Variants in LINGO2 observed in about 807,000 individuals in gnomAD.
The protein encoded by LINGO2 is leucine-rich repeat and immunoglobulin-like domain-containing nogo receptor-interacting protein 2.
A neutral mutation model predicts 30.6 loss-of-function variants in LINGO2; 14 were observed. The ratio of observed to expected loss-of-function variants is 0.46; its 90% CI spans 0.30 to 0.72. The LOEUF (loss-of-function observed/expected upper bound fraction) is 0.72. LINGO2 is among the 30% of genes least tolerant of loss of function. The pLI, the probability that LINGO2 is intolerant of heterozygous loss-of-function variation, is 0.07. For synonymous variants in LINGO2, 317 were observed against 288.5 expected, an observed-to-expected ratio of 1.10 and a Z score of -1.00; for missense variants, 729 against 751.7, an observed-to-expected ratio of 0.97 and a Z score of 0.35.
At position 28,568,812 on chromosome 9, in the gene LINGO2, T is replaced by A. The variant is rs1823526168; in HGVS notation, c.-364-92787A>T. Among the ~76,000 whole-genome samples, 3 of 151,832 alleles carry A rather than the reference T, an allele frequency of 2.0e-5. No homozygotes were observed. In the South Asian group the frequency reaches 6.2e-4, roughly 31 times the overall value. On this transcript the variant is annotated intron_variant, in intron 1 of 5. Transcript: ENST00000379992. Reference sequence around the variant, plus strand: ...GATAAACTAAATTTGAACGAGTTCATCAAAACTAGATCTGCCTTGGAAAAA... The same window carrying A: ...GATAAACTAAATTTGAACGAGTTCAACAAAACTAGATCTGCCTTGGAAAAA...
the LINGO2 span, among the ~76,000 whole-genome samples, chr9:28,887,201 G>C: frequency 6.6e-6 from 1 of 152,102 alleles, no homozygotes; most frequent in African/African-American, 2.4e-5. Flanking sequence ...ATGCTCAATA[G>C]AGATGTCTGC....
chr9:28,479,852 T>C (rs867411316), intron 1 of LINGO2, among the ~76,000 whole-genome samples: 1,414 of 55,722 alleles, frequency 0.025, 46 homozygotes, highest in East Asian at 0.17. Context: ...CATCTGTGTG[T>C]GTGTGTGTGT....
chr9:28,020,555 ACAAAACAAAAC>A (rs1823064550), intron 4 of LINGO2, among the ~76,000 whole-genome samples: 1 of 143,096 alleles, frequency 7.0e-6, no homozygotes, highest in Non-Finnish European at 1.5e-5. Flanking sequence ...ACAAAACAAA[ACAAAACAAAAC>A]AAAACAAACA....
the LINGO2 span, among the ~76,000 whole-genome samples, chr9:28,864,231 T>G: frequency 6.6e-6 from 1 of 152,080 alleles, no homozygotes; most frequent in African/African-American, 2.4e-5. Context: ...CCCCTGAACT[T>G]AAAATAAAAG....
At chr9:29,066,898 T>C in the LINGO2 span, among the ~76,000 whole-genome samples, 1 of 151,854 alleles carries the variant, frequency 6.6e-6, no homozygotes. Flanking sequence ...ATTACACCTC[T>C]TACCTTCTAA....
the LINGO2 span, chr9:27,939,144 T>C: frequency 1.3e-5 from 2 of 149,668 alleles, no homozygotes; most frequent in South Asian, 4.2e-4. Context: ...TCCTCTGCAA[T>C]TAAATTCTCT....
At chr9:28,318,173 C>A (rs1171337498) in intron 3 of LINGO2, among the ~76,000 whole-genome samples, 4 of 152,178 alleles carry the variant, frequency 2.6e-5, no homozygotes, top group South Asian at 2.1e-4. Context: ...ACTCAAAGCA[C>A]TTCTGTCCTT....
chr9:28,647,222 T>C (rs1385644445), intron 1 of LINGO2, among the ~76,000 whole-genome samples: 1 of 152,102 alleles, frequency 6.6e-6, no homozygotes, highest in Non-Finnish European at 1.5e-5. Context: ...TGCCCTGAAA[T>C]TGATCAAACT....
the LINGO2 span, among the ~76,000 whole-genome samples, chr9:29,141,753 T>C: frequency 1.3e-5 from 2 of 151,860 alleles, no homozygotes; most frequent in African/African-American, 4.8e-5. Flanking sequence ...GGCGTGACCT[T>C]GCTTATATCA....
the LINGO2 span, chr9:28,888,943 T>G: frequency 9.4e-6 from 5 of 532,482 alleles, no homozygotes; most frequent in South Asian, 7.0e-5. Context: ...CACAAGTTCC[T>G]GCAAATGCAC....
At chr9:28,153,773 C>T (rs1230768171) in intron 4 of LINGO2, among the ~76,000 whole-genome samples, 1 of 151,978 alleles carries the variant, frequency 6.6e-6, no homozygotes, top group African/African-American at 2.4e-5. Flanking sequence ...TTGGTGTTAC[C>T]TAAACTTACA....
the LINGO2 span, among the ~76,000 whole-genome samples, chr9:29,142,460 C>G: frequency 6.6e-6 from 1 of 151,330 alleles, no homozygotes; most frequent in African/African-American, 2.4e-5. Context: ...AAAAGAAGAA[C>G]CCTAAATAAA....
At chr9:28,527,878 T>C (rs778341299) in intron 1 of LINGO2, among the ~76,000 whole-genome samples, 3 of 152,196 alleles carry the variant, frequency 2.0e-5, no homozygotes, top group Non-Finnish European at 4.4e-5. Flanking sequence ...AAATTGAGGA[T>C]GTCTGCACAA....
intron 2 of LINGO2, among the ~76,000 whole-genome samples, chr9:28,380,099 C>T (rs547841254): frequency 2.6e-5 from 4 of 151,984 alleles, no homozygotes; most frequent in Non-Finnish European, 5.9e-5. Context: ...CACACAGATG[C>T]CACACATATT....
At chr9:28,171,784 G>T (rs1487622896) in intron 4 of LINGO2, among the ~76,000 whole-genome samples, 1 of 151,186 alleles carries the variant, frequency 6.6e-6, no homozygotes, top group African/African-American at 2.4e-5. Flanking sequence ...CGAGGCAGGC[G>T]GATCACGAGG....
the LINGO2 span, among the ~76,000 whole-genome samples, chr9:29,026,638 T>A: frequency 2.0e-5 from 3 of 152,156 alleles, no homozygotes; most frequent in East Asian, 5.8e-4. Flanking sequence ...TCCAAAAATA[T>A]TATGAATTAC....
intron 2 of LINGO2, among the ~76,000 whole-genome samples, chr9:28,443,806 C>T (rs1824296904): frequency 6.6e-6 from 1 of 152,150 alleles, no homozygotes; most frequent in Admixed American, 6.5e-5. Flanking sequence ...TTGATGGTGG[C>T]AGGAGGCAGA....
intron 5 of LINGO2, among the ~76,000 whole-genome samples, chr9:28,008,027 C>A (rs1270778674): frequency 1.3e-5 from 2 of 152,092 alleles, no homozygotes. Context: ...TACTGAATGA[C>A]CACTTTTTGT....
At chr9:28,842,313 A>T in the LINGO2 span, among the ~76,000 whole-genome samples, 1 of 151,876 alleles carries the variant, frequency 6.6e-6, no homozygotes, top group Non-Finnish European at 1.5e-5. Context: ...TTTTCACATG[A>T]GGAAACTGAG....
Sources: allele counts gnomAD v4.1 joint callset (sites outside exome capture counted in the v4.1 genomes callset), GRCh38; gene constraint gnomAD v4.1.1; transcripts MANE v1.5; gene names NCBI Gene and HGNC (gene_info 2026-07-23, HGNC 2026-07-21).